Variants in LMBR1 observed in about 807,000 individuals in gnomAD.
LMBR1 encodes limb region 1 protein homolog.
A neutral mutation model predicts 73.9 loss-of-function variants in LMBR1; 52 were observed. That is an observed-to-expected ratio of 0.70 (90% CI 0.56 to 0.89). The LOEUF (loss-of-function observed/expected upper bound fraction) is 0.89. LMBR1 is among the 40% of genes least tolerant of loss of function. LMBR1 has a pLI of 0.00. For missense variants in LMBR1, 539 were observed against 579.8 expected (o/e 0.93, Z 0.72); for synonymous variants, 215 against 209.4 (o/e 1.03, Z -0.23).
intron 5 of LMBR1, among the ~76,000 whole-genome samples, chr7:156,768,882 G>A (rs950705526): frequency 6.6e-6 from 1 of 152,148 alleles, no homozygotes; most frequent in Admixed American, 6.5e-5. Flanking sequence ...ATTCACAGCT[G>A]TCCTTTCTCA....
chr7:156,740,415 A>G (rs1416941223), intron 9 of LMBR1, among the ~76,000 whole-genome samples: 1 of 152,186 alleles, frequency 6.6e-6, no homozygotes, highest in African/African-American at 2.4e-5. Flanking sequence ...TAGAACACCA[A>G]GTAGATTTAA....
chr7:156,731,399 C>T (rs1816807973), intron 10 of LMBR1, among the ~76,000 whole-genome samples: 1 of 152,042 alleles, frequency 6.6e-6, no homozygotes, highest in South Asian at 2.1e-4. Context: ...AGACATCAAG[C>T]CACAGTATCA....
chr7:156,707,369 C>T (rs1338475489), intron 15 of LMBR1, among the ~76,000 whole-genome samples: 2 of 152,174 alleles, frequency 1.3e-5, no homozygotes, highest in East Asian at 3.8e-4. Context: ...GGAGGGAATT[C>T]TTCCTAAGTC....
At chr7:156,755,412 C>T (rs551360380) in intron 9 of LMBR1, among the ~76,000 whole-genome samples, 1 of 152,220 alleles carries the variant, frequency 6.6e-6, no homozygotes, top group Non-Finnish European at 1.5e-5. Context: ...ACATTTTACC[C>T]TTCCTGGATG....
rs1372924649 is a variant in LMBR1, at chr7:156,763,665, A to G, written c.550+4T>C. 2 of 1,577,388 alleles carry G rather than the reference A, an allele frequency of 1.3e-6. No homozygotes were observed. The highest frequency in any genetic ancestry group is 1.4e-5 in the African/African-American group (1 of 72,502). On this transcript the variant is annotated splice_donor_region_variant and intron_variant, in intron 6 of 16. Coordinates refer to ENST00000353442, the MANE Select transcript of LMBR1 (RefSeq NM_022458.4). The stretch of plus-strand genomic sequence containing the variant: ...GAAACTGGTTAAAACAAGGAAATCC[A>G]TACCATATAAAGATTCCATGCTTGC...
At chr7:156,871,676 A>T (rs921199362) in intron 1 of LMBR1, among the ~76,000 whole-genome samples, 9 of 152,376 alleles carry the variant, frequency 5.9e-5, no homozygotes, top group South Asian at 2.1e-4. Context: ...CACAATAACA[A>T]AATAAAAAGA....
intron 1 of LMBR1, among the ~76,000 whole-genome samples, chr7:156,865,483 T>C (rs1195578526): frequency 6.6e-6 from 1 of 152,236 alleles, no homozygotes; most frequent in Non-Finnish European, 1.5e-5. Flanking sequence ...GAGAATTTAA[T>C]ATTGATGGGA....
At chr7:156,728,756 C>A (rs757223635) in intron 10 of LMBR1, 36 bp from the exon 11 acceptor site, 1 of 1,422,420 alleles carries the variant, frequency 7.0e-7, no homozygotes, top group Admixed American at 2.1e-5. Context: ...ACAAAGTTTT[C>A]TCCAAATTAA....
chr7:156,720,719 A>T (rs905067503), intron 15 of LMBR1, among the ~76,000 whole-genome samples: 5 of 151,512 alleles, frequency 3.3e-5, no homozygotes, highest in African/African-American at 9.7e-5. Context: ...ATTTTCTATA[A>T]TATATCTGAA....
At position 156,670,843 on chromosome 7, in the gene LMBR1, C is replaced by G. The variant is rs960589212; in HGVS notation, n.867-1556G>C. ...CGTTAAAGGAAATTCTAAAGGATGC[C>G]TTGCATGAGGAAGGAAAATGGCCCC... On this transcript the variant is annotated intron_variant and non_coding_transcript_variant, in intron 4 of 4. Transcript: ENST00000430825. This position sits in a 1 kb window ranked among gnomAD's most constrained non-coding sequence, Gnocchi z 4.3. Among the ~76,000 whole-genome samples the G allele has an allele frequency of 6.6e-6, 1 of 152,168 alleles. No individual in the cohort carries two copies. The highest frequency in any genetic ancestry group is 1.5e-5 in the Non-Finnish European group (1 of 68,046).
At chr7:156,883,526 A>G (rs551105476) in intron 1 of LMBR1, among the ~76,000 whole-genome samples, 1 of 152,348 alleles carries the variant, frequency 6.6e-6, no homozygotes, top group African/African-American at 2.4e-5. Flanking sequence ...GACAGCAGTG[A>G]AAGTCAAAGC....
intron 1 of LMBR1, among the ~76,000 whole-genome samples, chr7:156,888,415 A>G (rs2134590864): frequency 6.6e-6 from 1 of 151,844 alleles, no homozygotes; most frequent in African/African-American, 2.4e-5. Context: ...GTCTCAAAAA[A>G]AAAAAAAAAA....
Position 156,892,984 on chromosome 7 carries a change from G to T in LMBR1, c.10C>A (p.Gln4Lys). The T allele has an allele frequency of 6.5e-7, 1 of 1,537,684 alleles. No individual in the cohort carries two copies. Among genetic ancestry groups the T allele is most frequent in the Non-Finnish European group, 8.7e-7 (1 of 1,149,750 alleles). The change falls in exon 1 of 17, where the codon CAG becomes AAG. Residue 4 changes from glutamine to lysine, a missense_variant. Gln to Lys is a moderately conservative substitution (Grantham distance 53). Coordinates refer to ENST00000353442, the MANE Select transcript of LMBR1 (RefSeq NM_022458.4). MEG[Q>K]DEVSAREQHF... ...TGCTCCCGCGCCGACACCTCGTCCT[G>T]CCCTTCCATCCTCCTTCATGCCCGC...
chr7:156,719,289 T>C (rs1181862502), intron 15 of LMBR1, among the ~76,000 whole-genome samples: 3 of 152,078 alleles, frequency 2.0e-5, no homozygotes, highest in Admixed American at 2.0e-4. Flanking sequence ...ATTTCATCCA[T>C]GTCCCTACAA....
At chr7:156,776,401 T>C (rs1826141907) in intron 5 of LMBR1, among the ~76,000 whole-genome samples, 1 of 152,178 alleles carries the variant, frequency 6.6e-6, no homozygotes, top group Non-Finnish European at 1.5e-5. Context: ...TCACATCCCC[T>C]GCCCTCGTAA....
intron 3 of LMBR1, among the ~76,000 whole-genome samples, chr7:156,832,920 C>G (rs986679981): frequency 1.6e-4 from 25 of 152,276 alleles, no homozygotes; most frequent in African/African-American, 6.0e-4. Flanking sequence ...TGATTCTGAA[C>G]TGGATCCTTT....
intron 1 of LMBR1, among the ~76,000 whole-genome samples, chr7:156,849,670 G>A (rs4566924): frequency 0.039 from 6,010 of 152,242 alleles, 177 homozygotes; most frequent in Non-Finnish European, 0.049. Flanking sequence ...TTGTTGCCAG[G>A]GGTTGAGGGG....
In LMBR1 at chr7:156,758,416, T is replaced by C. The variant is rs151168163; in HGVS notation, c.685-1951A>G. 3.8e-3 allele frequency among the ~76,000 whole-genome samples: 576 copies of C among 152,338 alleles called. 3 individuals carry two copies. Among genetic ancestry groups the C allele is most frequent in the African/African-American group, 0.013 (552 of 41,572 alleles). ...TGTCTTAGTGTGAATGAGTGACTGA[T>C]GTAGTTTGGATATTTGTCCCTTCAG... On this transcript the variant is annotated intron_variant, in intron 8 of 16. Coordinates refer to ENST00000353442, the MANE Select transcript of LMBR1 (RefSeq NM_022458.4).
In LMBR1 at chr7:156,724,662, C is replaced by T. The variant is rs530536227; in HGVS notation, c.1159-484G>A. On this transcript the variant is annotated intron_variant, in intron 14 of 16. Transcript: ENST00000353442. The stretch of plus-strand genomic sequence containing the variant: ...TGTAATAATGCATCCCATGTTTATT[C>T]TTCCATAGTAAATAAGAGGAGTTGA... Among the ~76,000 whole-genome samples, 14 of 152,074 alleles carry T rather than the reference C, an allele frequency of 9.2e-5. No homozygotes were observed. In the South Asian group the frequency reaches 2.9e-3, roughly 32 times the overall value.
Sources: gnomAD v4.1 joint callset for allele counts (sites outside exome capture counted in the v4.1 genomes callset) on GRCh38, gnomAD v4.1.1 for gene constraint, Gnocchi (gnomAD v3.1) non-coding constraint, MANE v1.5 for transcripts, NCBI Gene and HGNC (gene_info 2026-07-23, HGNC 2026-07-21) for gene names.